Variants in CDH12 observed in about 807,000 individuals in gnomAD.
The protein encoded by CDH12 is cadherin 12, also known as cadherin-12.
Under a neutral mutation model 74.1 loss-of-function variants are expected in CDH12, and 41 were observed. The observed-to-expected ratio is 0.55, with a 90% CI of 0.43 to 0.72. CDH12 has a LOEUF of 0.72. CDH12 is among the 30% of genes least tolerant of loss of function. The pLI is 0.00. For synonymous variants in CDH12, 399 were observed against 355.0 expected, an observed-to-expected ratio of 1.12 and a Z score of -1.39; for missense variants, 945 against 977.2, an observed-to-expected ratio of 0.97 and a Z score of 0.44.
At chr5:21,947,441 T>C (rs1340083150) in intron 6 of CDH12, among the ~76,000 whole-genome samples, 1 of 152,220 alleles carries the variant, frequency 6.6e-6, no homozygotes, top group African/African-American at 2.4e-5. Context: ...TGGTCTTGGA[T>C]GGAGAAGAAG....
intron 1 of CDH12, among the ~76,000 whole-genome samples, chr5:22,840,114 TTTTG>T (rs1737018083): frequency 1.3e-5 from 2 of 152,134 alleles, no homozygotes; most frequent in Admixed American, 1.3e-4. Flanking sequence ...TCTTTTTCTT[TTTTG>T]TTTTTGTTTG....
At chr5:22,638,191 T>C (rs1738939060) in intron 1 of CDH12, among the ~76,000 whole-genome samples, 1 of 152,112 alleles carries the variant, frequency 6.6e-6, no homozygotes, top group Admixed American at 6.5e-5. Context: ...TGGAGTTAAT[T>C]AAGGAGTTTT....
At chr5:22,364,086 C>T (rs951117206) in intron 3 of CDH12, among the ~76,000 whole-genome samples, 1 of 152,128 alleles carries the variant, frequency 6.6e-6, no homozygotes, top group African/African-American at 2.4e-5. Context: ...AGAGACACAT[C>T]TGTGGTTTCC....
chr5:22,069,754 T>C (rs748075335), intron 5 of CDH12, among the ~76,000 whole-genome samples: 1 of 152,168 alleles, frequency 6.6e-6, no homozygotes, highest in African/African-American at 2.4e-5. Context: ...CACCCCACAA[T>C]GGATGCAAGG....
intron 8 of CDH12, among the ~76,000 whole-genome samples, chr5:21,824,930 G>T (rs572583934): frequency 6.6e-6 from 1 of 152,060 alleles, no homozygotes; most frequent in Admixed American, 6.6e-5. Context: ...AAGAGGGGCC[G>T]ATCACCTGAG....
chr5:21,900,895 A>G (rs1382437612), intron 6 of CDH12, among the ~76,000 whole-genome samples: 1 of 152,206 alleles, frequency 6.6e-6, no homozygotes, highest in Non-Finnish European at 1.5e-5. Context: ...TTGAGAAAAG[A>G]AGTGAGCATC....
At chr5:21,836,335 T>C (rs1749532692) in intron 8 of CDH12, among the ~76,000 whole-genome samples, 2 of 151,746 alleles carry the variant, frequency 1.3e-5, no homozygotes, top group Admixed American at 1.3e-4. Flanking sequence ...AGAGAATTGC[T>C]TTAAAATGTT....
chr5:22,021,366 T>C (rs576631322), intron 5 of CDH12, among the ~76,000 whole-genome samples: 3 of 152,218 alleles, frequency 2.0e-5, no homozygotes, highest in East Asian at 1.9e-4. Flanking sequence ...AGAAAGGAGA[T>C]AGGATCTATC....
rs183193923 is a variant in CDH12 at position 22,075,353 on chromosome 5, C to G, written c.231+3093G>C. Among the ~76,000 whole-genome samples the G allele has an allele frequency of 4.2e-3, 629 of 150,896 alleles. 4 individuals are homozygous for G. Among genetic ancestry groups the G allele is most frequent in the African/African-American group, 0.015 (598 of 41,138 alleles). ...GGAGGGATAGCATTAGGAGATATAC[C>G]TAATGTTAAATGATGAGTTAATGGG... is the stretch of plus-strand genomic sequence containing the variant. On this transcript the variant is annotated intron_variant, in intron 5 of 14. Transcript: ENST00000382254.
intron 4 of CDH12, among the ~76,000 whole-genome samples, chr5:22,176,226 T>A (rs914146098): frequency 1.3e-5 from 2 of 152,036 alleles, no homozygotes; most frequent in Non-Finnish European, 2.9e-5. Context: ...GTGGCAAGAT[T>A]TTCACTTTTC....
At chr5:21,817,759 A>G (rs193091763) in intron 8 of CDH12, among the ~76,000 whole-genome samples, 1 of 152,072 alleles carries the variant, frequency 6.6e-6, no homozygotes, top group African/African-American at 2.4e-5. Flanking sequence ...CTTTCTATAT[A>G]CTTTTACTGA....
At chr5:22,819,920 T>G (rs1400221793) in intron 1 of CDH12, among the ~76,000 whole-genome samples, 1 of 147,990 alleles carries the variant, frequency 6.8e-6, no homozygotes, top group Non-Finnish European at 1.5e-5. Context: ...TAAATATATA[T>G]TTATATAGAT....
chr5:22,247,825 G>T (rs1326333528), intron 3 of CDH12, among the ~76,000 whole-genome samples: 1 of 152,134 alleles, frequency 6.6e-6, no homozygotes, highest in South Asian at 2.1e-4. Flanking sequence ...AGGAGCAAAA[G>T]TCACATGTAA....
At chr5:21,843,728 G>T (rs565845255) in intron 7 of CDH12, among the ~76,000 whole-genome samples, 1 of 152,018 alleles carries the variant, frequency 6.6e-6, no homozygotes, top group African/African-American at 2.4e-5. Flanking sequence ...AATCCAATGT[G>T]TTTGTCCTTT....
At chr5:22,457,830 C>G (rs568326967) in intron 2 of CDH12, among the ~76,000 whole-genome samples, 1 of 152,182 alleles carries the variant, frequency 6.6e-6, no homozygotes, top group Admixed American at 6.5e-5. Context: ...CTGCAACCTC[C>G]GCCTCCTGGG....
intron 3 of CDH12, among the ~76,000 whole-genome samples, chr5:22,334,802 GAAGA>G (rs1739504231): frequency 6.6e-6 from 1 of 152,142 alleles, no homozygotes; most frequent in Admixed American, 6.6e-5. Context: ...TCCATATGCT[GAAGA>G]AAGAAACTAG....
At chr5:21,892,200 C>T (rs1406748920) in intron 6 of CDH12, among the ~76,000 whole-genome samples, 1 of 152,050 alleles carries the variant, frequency 6.6e-6, no homozygotes, top group East Asian at 1.9e-4. Context: ...TGTGATAATG[C>T]TAGTAATTCC....
At chr5:22,626,126 T>A (rs1256071032) in intron 1 of CDH12, among the ~76,000 whole-genome samples, 1 of 152,080 alleles carries the variant, frequency 6.6e-6, no homozygotes, top group Non-Finnish European at 1.5e-5. Flanking sequence ...CATGCATACA[T>A]GTTGGCACCC....
At chr5:21,893,151 T>C (rs1468824550) in intron 6 of CDH12, among the ~76,000 whole-genome samples, 1 of 152,178 alleles carries the variant, frequency 6.6e-6, no homozygotes, top group Non-Finnish European at 1.5e-5. Context: ...TACCGCACTG[T>C]AAACGACTTA....
Sources: gnomAD v4.1 joint callset for allele counts (sites outside exome capture counted in the v4.1 genomes callset) on GRCh38, gnomAD v4.1.1 for gene constraint, MANE v1.5 for transcripts, NCBI Gene and HGNC (gene_info 2026-07-23, HGNC 2026-07-21) for gene names.